SLC3A1: variants seen among roughly 807,000 people sequenced by gnomAD.
The protein encoded by SLC3A1 is solute carrier family 3 member 1.
SLC3A1 carries 78 observed loss-of-function variants against 60.3 expected under a neutral mutation model. That is an observed-to-expected ratio of 1.29 (90% CI 1.08 to 1.56). SLC3A1 has a LOEUF of 1.56. Among genes scored for constraint, SLC3A1 ranks in the 40% most tolerant of loss-of-function variants. SLC3A1 has a pLI of 0.00. For synonymous variants in SLC3A1, 392 were observed against 307.9 expected (o/e 1.27, Z -2.86); for missense variants, 1,172 against 858.9 (o/e 1.36, Z -4.56).
At chr2:44,303,195 CTG>C (rs1327871967) in intron 6 of SLC3A1, among the ~76,000 whole-genome samples, 4 of 151,096 alleles carry the variant, frequency 2.6e-5, no homozygotes, top group Non-Finnish European at 5.9e-5. Context: ...GAGTAAAACT[CTG>C]TCTCAAGAAA....
At chr2:44,280,952 C>G in intron 2 of SLC3A1, 57 bp downstream of exon 2, 1 of 1,437,400 alleles carries the variant, frequency 7.0e-7, no homozygotes, top group Non-Finnish European at 9.8e-7. Context: ...AGCACTTTTT[C>G]AAATGTTTAC....
intron 4 of SLC3A1, among the ~76,000 whole-genome samples, chr2:44,293,944 G>C (rs1464482669): frequency 1.2e-5 from 1 of 85,252 alleles, no homozygotes; most frequent in Non-Finnish European, 2.5e-5. Context: ...CCTTTGTAAA[G>C]CACTTAGGAT....
At chr2:44,308,785 T>C (rs1324211591) in intron 7 of SLC3A1, among the ~76,000 whole-genome samples, 1 of 151,340 alleles carries the variant, frequency 6.6e-6, no homozygotes, top group African/African-American at 2.5e-5. Flanking sequence ...CAGGCTGGAG[T>C]GCAGTGGTGT....
chr2:44,300,118 T>A (rs1671965648), intron 5 of SLC3A1, 28 bp downstream of exon 5: 1 of 1,612,164 alleles, frequency 6.2e-7, no homozygotes, highest in African/African-American at 1.3e-5. Flanking sequence ...ACGTTTTTCT[T>A]TTGCCTTTTC....
At chr2:44,320,073 T>A in intron 9 of SLC3A1, 126 bp from the exon 10 acceptor site, 2 of 703,054 alleles carry the variant, frequency 2.8e-6, no homozygotes, top group South Asian at 3.6e-5. Flanking sequence ...GCTTACAATT[T>A]GGCAATTATA....
At chr2:44,318,217 A>C (rs775434182) in intron 9 of SLC3A1, 2 of 381,108 alleles carry the variant, frequency 5.2e-6, no homozygotes, top group South Asian at 1.8e-5. Context: ...CAGCCTCCCA[A>C]GTAGCTGGGA....
intron 9 of SLC3A1, chr2:44,319,363 AATCT>A (rs1196689526): frequency 3.9e-5 from 6 of 152,632 alleles, no homozygotes; most frequent in African/African-American, 1.2e-4. Flanking sequence ...TCTTTCTGAT[AATCT>A]ATCTTAAGTA....
chr2:44,303,061 C>T (rs1049528067), intron 6 of SLC3A1, among the ~76,000 whole-genome samples: 2 of 151,362 alleles, frequency 1.3e-5, no homozygotes, highest in African/African-American at 4.9e-5. Flanking sequence ...ATTAGCTGGG[C>T]GTGGTGGCGG....
At position 44,320,736 on chromosome 2, in the gene SLC3A1, T is replaced by A; in HGVS notation, c.*97T>A. 2.1e-6 allele frequency: 2 copies of A among 943,258 alleles called. No homozygotes were observed. Among genetic ancestry groups the A allele is most frequent in the Admixed American group, 1.8e-5 (1 of 54,904 alleles). The allele number at this position is 943,258 out of a possible 1,614,324, so 58.4% of individuals were successfully genotyped here. A position where few individuals can be genotyped will look rare whatever the true frequency, so the allele number is the denominator to read the frequency against. ...AGCATGCTGCTTGGTGAACAATCAT[T>A]AATTCTTCGATATTTCTGTAGCTTG... On this transcript the variant is annotated 3_prime_UTR_variant, in exon 10 of 10. Transcript: ENST00000260649.
chr2:44,292,210 A>G (rs1397533613), intron 4 of SLC3A1, among the ~76,000 whole-genome samples: 1 of 152,050 alleles, frequency 6.6e-6, no homozygotes, highest in African/African-American at 2.4e-5. Context: ...GCCCCAGGGT[A>G]GGGACTGCTG....
intron 9 of SLC3A1, chr2:44,316,348 T>C (rs530961011): frequency 6.6e-6 from 1 of 152,248 alleles, no homozygotes; most frequent in African/African-American, 2.4e-5. Context: ...ATTAGATCTC[T>C]CAGAAGTATA....
At chr2:44,314,807 C>T (rs901332687) in intron 9 of SLC3A1, 2 of 151,804 alleles carry the variant, frequency 1.3e-5, no homozygotes, top group South Asian at 2.1e-4. Flanking sequence ...CCTCTTGATT[C>T]TCATTATGTC....
At chr2:44,315,436 C>T (rs1672404357) in intron 9 of SLC3A1, among the ~76,000 whole-genome samples, 5 of 150,636 alleles carry the variant, frequency 3.3e-5, no homozygotes, top group Admixed American at 3.3e-4. Context: ...AATGCTTGAG[C>T]ACAGGAGTTT....
intron 6 of SLC3A1, 168 bp from the exon 7 acceptor site, chr2:44,303,975 T>A: frequency 1.4e-6 from 1 of 695,304 alleles, no homozygotes. Flanking sequence ...TAATCCAGTC[T>A]AACATTTGGT....
At chr2:44,315,441 G>C (rs1011366869) in intron 9 of SLC3A1, among the ~76,000 whole-genome samples, 5 of 151,134 alleles carry the variant, frequency 3.3e-5, no homozygotes, top group African/African-American at 1.2e-4. Flanking sequence ...TTGAGCACAG[G>C]AGTTTGAGAC....
At chr2:44,317,459 C>CAAAA (rs3074505) in intron 9 of SLC3A1, among the ~76,000 whole-genome samples, 25 of 141,614 alleles carry the variant, frequency 1.8e-4, no homozygotes, top group Non-Finnish European at 1.2e-4. Context: ...GAGATTGTGT[C>CAAAA]AAAAAAAAAA....
intron 9 of SLC3A1, among the ~76,000 whole-genome samples, chr2:44,315,495 AC>A (rs1388257626): frequency 4.1e-5 from 3 of 72,822 alleles, no homozygotes; most frequent in African/African-American, 1.9e-4. Context: ...CCTTCCCCCT[AC>A]CCCCGCCAAA....
In SLC3A1 at chr2:44,275,777, G is replaced by A. The variant is rs201617723; in HGVS notation, c.242G>A (p.Arg81His). The A allele has an allele frequency of 1.4e-5, 23 of 1,614,230 alleles. No homozygotes were observed. Among genetic ancestry groups the A allele is most frequent in the East Asian group, 6.7e-5 (3 of 44,880 alleles). The change falls in exon 1 of 10, where the codon CGC becomes CAC. Residue 81 changes from arginine (R) to histidine (H), a missense_variant. Physicochemically the swap from Arg to His is conservative, Grantham distance 29 (BLOSUM62 0). Transcript: ENST00000260649. ...EVLFQFSGQA[R>H]YRIPREILFW... ...CTGTTCCAGTTCTCTGGCCAGGCCC[G>A]CTACCGCATACCTCGGGAGATCCTC... is the stretch of plus-strand genomic sequence containing the variant.
intron 3 of SLC3A1, 49 bp downstream of exon 3, chr2:44,281,590 A>G: frequency 6.4e-7 from 1 of 1,565,616 alleles, no homozygotes; most frequent in East Asian, 2.2e-5. Flanking sequence ...GCAGATATGT[A>G]GTGATTGAAC....
Sources: allele counts gnomAD v4.1 joint callset (sites outside exome capture counted in the v4.1 genomes callset), GRCh38; gene constraint gnomAD v4.1.1; transcripts MANE v1.5; gene names NCBI Gene and HGNC (gene_info 2026-07-23, HGNC 2026-07-21).